RHOBTB3: variants seen among roughly 807,000 people sequenced by gnomAD.
The protein encoded by RHOBTB3 is rho-related BTB domain-containing protein 3.
A neutral mutation model predicts 67.2 loss-of-function variants in RHOBTB3; 47 were observed. The observed-to-expected ratio is 0.70, with a 90% CI of 0.55 to 0.89. The LOEUF is 0.89. RHOBTB3 is among the 40% of genes least tolerant of loss of function. The pLI is 0.00. For synonymous variants in RHOBTB3, 273 were observed against 274.2 expected (o/e 1.00, Z 0.04); for missense variants, 631 against 750.0 (o/e 0.84, Z 1.85).
intron 2 of RHOBTB3, among the ~76,000 whole-genome samples, chr5:95,736,412 T>C (rs571821946): frequency 5.9e-4 from 90 of 152,314 alleles, no homozygotes; most frequent in Admixed American, 5.8e-3. Flanking sequence ...TTTGAAAATA[T>C]GAATAAAGTA....
intron 3 of RHOBTB3, among the ~76,000 whole-genome samples, chr5:95,748,102 T>A (rs1043462282): frequency 1.3e-5 from 2 of 151,974 alleles, no homozygotes; most frequent in South Asian, 2.1e-4. Flanking sequence ...CACCTACTTT[T>A]AAATTTTTCT....
intron 7 of RHOBTB3, among the ~76,000 whole-genome samples, chr5:95,767,532 T>A (rs977340668): frequency 6.6e-6 from 1 of 152,058 alleles, no homozygotes; most frequent in Non-Finnish European, 1.5e-5. Context: ...GAAACAGGGT[T>A]TTGCTATGTT....
At chr5:95,785,832 G>C (rs983725197) in intron 10 of RHOBTB3, among the ~76,000 whole-genome samples, 4 of 151,924 alleles carry the variant, frequency 2.6e-5, no homozygotes, top group Non-Finnish European at 4.4e-5. Flanking sequence ...TTCTTAAATT[G>C]TTTATGTATA....
chr5:95,723,712 A>C (rs549540885), intron 1 of RHOBTB3, among the ~76,000 whole-genome samples: 2 of 152,122 alleles, frequency 1.3e-5, no homozygotes, highest in African/African-American at 4.8e-5. Flanking sequence ...GCTTTTCCCT[A>C]TCTCTCCTTT....
At chr5:95,720,104 T>C (rs1209810270) in intron 1 of RHOBTB3, among the ~76,000 whole-genome samples, 2 of 152,208 alleles carry the variant, frequency 1.3e-5, no homozygotes, top group East Asian at 3.8e-4. Flanking sequence ...AGTTTACACA[T>C]TGGCCTCTTG....
At chr5:95,792,264 G>A (rs970186694) in intron 11 of RHOBTB3, among the ~76,000 whole-genome samples, 1 of 152,094 alleles carries the variant, frequency 6.6e-6, no homozygotes, top group Admixed American at 6.5e-5. Flanking sequence ...ACAGGCGCCT[G>A]TAGTCCCAGC....
In RHOBTB3 at chr5:95,752,349, A is replaced by C. The variant is rs768009621; in HGVS notation, c.681A>C (p.Pro227=). ...TTAGACCACCTCAACTTGAACAACC[A>C]GGTGCATTTCTTAGCCAATGTCTAG... is the stretch of plus-strand genomic sequence containing the variant. ...HGIRPPQLEQ[P]EKMPVLKAEA... is the part of the protein sequence containing the mutation. The change falls in exon 5 of 12, where the codon CCA becomes CCC. Residue 227 remains proline (P), a splice_region_variant and synonymous_variant. Coordinates refer to ENST00000379982, the MANE Select transcript of RHOBTB3 (RefSeq NM_014899.4). 2 of 1,582,348 alleles carry C rather than the reference A, an allele frequency of 1.3e-6. No homozygotes were observed. The highest frequency in any genetic ancestry group is 3.5e-5 in the Admixed American group (2 of 57,514).
intron 11 of RHOBTB3, 63 bp from the exon 12 acceptor site, chr5:95,792,996 T>G: frequency 9.1e-7 from 1 of 1,101,056 alleles, no homozygotes; most frequent in Non-Finnish European, 1.4e-6. Context: ...AATCAATAGC[T>G]GATATCTTAA....
At chr5:95,719,109 G>A (rs922783446) in intron 1 of RHOBTB3, among the ~76,000 whole-genome samples, 1 of 152,170 alleles carries the variant, frequency 6.6e-6, no homozygotes, top group Non-Finnish European at 1.5e-5. Flanking sequence ...AGAGAACATG[G>A]ACATATCTGG....
rs549177154 is a variant in RHOBTB3, at chr5:95,785,532, T to C, written c.1623+1569T>C. Among the ~76,000 whole-genome samples the C allele has an allele frequency of 9.2e-5, 14 of 151,528 alleles. No homozygotes were observed. The East Asian group carries it at 2.7e-3, about 29-fold the overall frequency. The stretch of plus-strand genomic sequence containing the variant: ...TGGCGTGAACCCTGGAGGCGGAGCT[T>C]GCAGTGAGCCGAGATCGTGCCACTG... On this transcript the variant is annotated intron_variant, in intron 10 of 11. Transcript: ENST00000379982.
In RHOBTB3 at chr5:95,752,365, C is replaced by T; in HGVS notation, c.682+15C>T. 1 of 1,461,186 alleles carries T rather than the reference C, an allele frequency of 6.8e-7. No homozygotes were observed. The highest frequency in any genetic ancestry group is 1.2e-5 in the South Asian group (1 of 85,254). The allele number at this position is 1,461,186 out of a possible 1,614,324, so 90.5% of individuals were successfully genotyped here. ...TGAACAACCAGGTGCATTTCTTAGC[C>T]AATGTCTAGACATTCATTAAACATT... is the stretch of plus-strand genomic sequence containing the variant. On this transcript the variant is annotated intron_variant, in intron 5 of 11. Transcript: ENST00000379982.
At chr5:95,791,449 G>A (rs904894200) in intron 11 of RHOBTB3, among the ~76,000 whole-genome samples, 6 of 152,178 alleles carry the variant, frequency 3.9e-5, no homozygotes, top group Non-Finnish European at 8.8e-5. Flanking sequence ...CTGGCTGCCA[G>A]AGCTCATCTC....
upstream of RHOBTB3, among the ~76,000 whole-genome samples, chr5:95,728,993 C>A (rs899778452): frequency 3.3e-5 from 5 of 152,176 alleles, no homozygotes; most frequent in Non-Finnish European, 7.3e-5. Flanking sequence ...CAGGAAGTTA[C>A]CCTATATGGT....
At chr5:95,778,992 C>T (rs1007126409) in intron 8 of RHOBTB3, among the ~76,000 whole-genome samples, 2 of 152,202 alleles carry the variant, frequency 1.3e-5, no homozygotes, top group Non-Finnish European at 2.9e-5. Flanking sequence ...CAGGTGTTGC[C>T]TATAGATCCT....
At chr5:95,775,856 A>C (rs985756686) in intron 8 of RHOBTB3, among the ~76,000 whole-genome samples, 1 of 152,208 alleles carries the variant, frequency 6.6e-6, no homozygotes, top group African/African-American at 2.4e-5. Context: ...GTCAAACTTA[A>C]GACAGACCCT....
At chr5:95,730,615 G>C (rs1410282507), upstream of RHOBTB3, among the ~76,000 whole-genome samples, 1 of 152,100 alleles carries the variant, frequency 6.6e-6, no homozygotes, top group Non-Finnish European at 1.5e-5. Context: ...AAGTAAACTG[G>C]CATTTAACTT....
chr5:95,753,233 ATGTGTGTGTGTG>A (rs57615515), intron 5 of RHOBTB3, among the ~76,000 whole-genome samples: 14 of 146,466 alleles, frequency 9.6e-5, no homozygotes, highest in Non-Finnish European at 1.4e-4. Context: ...TGATGTGTGG[ATGTGTGTGTGTG>A]TGTGTGTGTG....
chr5:95,730,733 G>A (rs750573480), upstream of RHOBTB3: 9 of 312,032 alleles, frequency 2.9e-5, no homozygotes, highest in African/African-American at 4.4e-5. Context: ...AATATAGCTT[G>A]AAATAGTAAA....
At chr5:95,784,062 A>T in intron 10 of RHOBTB3, 99 bp downstream of exon 10, 1 of 991,922 alleles carries the variant, frequency 1.0e-6, no homozygotes, top group East Asian at 2.8e-5. Flanking sequence ...CGTTAATACT[A>T]GTCTTAGTTT....
Sources: gnomAD v4.1 joint callset for allele counts (sites outside exome capture counted in the v4.1 genomes callset) on GRCh38, gnomAD v4.1.1 for gene constraint, MANE v1.5 for transcripts, NCBI Gene and HGNC (gene_info 2026-07-23, HGNC 2026-07-21) for gene names.